CHD6: variants seen among roughly 807,000 people sequenced by gnomAD.
The protein encoded by CHD6 is chromodomain helicase DNA binding protein 6.
A neutral mutation model predicts 276.9 loss-of-function variants in CHD6; 50 were observed. The observed-to-expected ratio is 0.18, with a 90% CI of 0.14 to 0.23. The LOEUF is 0.23. Ranked by LOEUF, CHD6 falls within the 10% of genes least tolerant of loss-of-function variation. CHD6 has a pLI of 1.00. For missense variants in CHD6, 2,564 were observed against 3,365.8 expected (o/e 0.76, Z 5.89); for synonymous variants, 1,173 against 1,229.3 (o/e 0.95, Z 0.96).
intron 33 of CHD6, among the ~76,000 whole-genome samples, chr20:41,416,336 TAGCCA>T (rs1369662237): frequency 1.3e-5 from 2 of 152,166 alleles, no homozygotes; most frequent in Non-Finnish European, 2.9e-5. Context: ...TTGGCCCCCC[TAGCCA>T]AGCTGTATTC....
chr20:41,415,426 G>A lies in CHD6; in HGVS notation c.6699C>T (p.Phe2233=). ...SEGSPGATSP[F]PVSASTPKIG... is the part of the protein sequence containing the mutation. ...TCTTAGGGGTGCTGGCGCTCACTGG[G>A]AAAGGGGATGTGGCTCCTGGGGACC... Residue 2233 remains phenylalanine, a synonymous_variant, in exon 34 of 37, where the codon TTC becomes TTT. Coordinates refer to ENST00000373233, the MANE Select transcript of CHD6 (RefSeq NM_032221.5). 1 of 1,612,662 alleles carries A rather than the reference G, an allele frequency of 6.2e-7. No individual in the cohort carries two copies. The highest frequency in any genetic ancestry group is 8.5e-7 in the Non-Finnish European group (1 of 1,179,226).
chr20:41,606,693 A>T (rs1394481828), intron 1 of CHD6, among the ~76,000 whole-genome samples: 1 of 144,914 alleles, frequency 6.9e-6, no homozygotes. Context: ...AAAAAAACTT[A>T]TCTCCTAGTC....
At chr20:41,606,778 G>A (rs915980403) in intron 1 of CHD6, among the ~76,000 whole-genome samples, 8 of 151,808 alleles carry the variant, frequency 5.3e-5, no homozygotes, top group African/African-American at 1.7e-4. Flanking sequence ...ACTCAGATAC[G>A]CACTGGAATC....
intron 1 of CHD6, among the ~76,000 whole-genome samples, chr20:41,582,375 A>G (rs1418363074): frequency 6.6e-6 from 1 of 152,194 alleles, no homozygotes; most frequent in African/African-American, 2.4e-5. Context: ...GGGTATTATA[A>G]AAGGAAACAA....
In CHD6 at chr20:41,460,736, G is replaced by C. The variant is rs367778893; in HGVS notation, c.2665-3308C>G. Among the ~76,000 whole-genome samples the C allele has an allele frequency of 3.6e-4, 55 of 152,354 alleles. 1 individual carries two copies. The highest frequency in any genetic ancestry group is 1.3e-3 in the African/African-American group (52 of 41,584). Reference sequence around the variant, plus strand: ...GCTGCAGAGGTGGGGTCCTCATGGAGAACCTCTGCTAGAGCAGTGCGGAAG... The same window carrying C: ...GCTGCAGAGGTGGGGTCCTCATGGACAACCTCTGCTAGAGCAGTGCGGAAG... On this transcript the variant is annotated intron_variant, in intron 17 of 36. Coordinates refer to ENST00000373233, the MANE Select transcript of CHD6 (RefSeq NM_032221.5).
intron 27 of CHD6, among the ~76,000 whole-genome samples, chr20:41,426,713 A>C (rs1488336802): frequency 6.6e-6 from 1 of 152,226 alleles, no homozygotes; most frequent in African/African-American, 2.4e-5. Flanking sequence ...TTGAGCTCTA[A>C]GTGAATCTGG....
intron 2 of CHD6, among the ~76,000 whole-genome samples, 161 bp downstream of exon 2, chr20:41,551,141 CATA>C (rs2146145620): frequency 6.6e-6 from 1 of 152,114 alleles, no homozygotes. Flanking sequence ...AAGAAAAATC[CATA>C]TTATTAAGTC....
chr20:41,482,625 T>C (rs2043321344), intron 16 of CHD6: 1 of 452,896 alleles, frequency 2.2e-6, no homozygotes, highest in South Asian at 1.6e-5. Flanking sequence ...TTTTAAAAAC[T>C]CATTTGTCAT....
In CHD6 at chr20:41,403,531, G is replaced by T. The variant is rs1048240793; in HGVS notation, c.*1062C>A. ...ACAGAATGGAGAAATTAATGGAGAA[G>T]TAACTTTTCATAGCTGTATTATAAA... On this transcript the variant is annotated 3_prime_UTR_variant, in exon 37 of 37. Coordinates refer to ENST00000373233, the MANE Select transcript of CHD6 (RefSeq NM_032221.5). 1.1e-5 allele frequency: 12 copies of T among 1,062,888 alleles called. No homozygotes were observed. Among genetic ancestry groups the T allele is most frequent in the African/African-American group, 6.6e-5 (4 of 60,950 alleles). 65.8% of individuals were successfully genotyped at this position (1,062,888 alleles called of 1,614,324 possible). A position where few individuals can be genotyped will look rare whatever the true frequency, so the allele number is the denominator to read the frequency against.
chr20:41,497,908 C>T (rs1377646653), intron 7 of CHD6: 6 of 471,062 alleles, frequency 1.3e-5, no homozygotes, highest in South Asian at 8.4e-5. Context: ...AAAAACACAA[C>T]AATCCTTGGG....
intron 1 of CHD6, among the ~76,000 whole-genome samples, chr20:41,564,369 C>T (rs985475229): frequency 6.6e-6 from 1 of 152,156 alleles, no homozygotes; most frequent in Non-Finnish European, 1.5e-5. Context: ...ACTACTTATA[C>T]ACACAACATG....
At chr20:41,428,798 T>G (rs1462108621) in intron 27 of CHD6, among the ~76,000 whole-genome samples, 1 of 152,198 alleles carries the variant, frequency 6.6e-6, no homozygotes, top group Non-Finnish European at 1.5e-5. Flanking sequence ...CCCCTGGCTG[T>G]ATGGCTTTTT....
intron 1 of CHD6, among the ~76,000 whole-genome samples, chr20:41,615,996 C>G (rs928113038): frequency 3.3e-5 from 5 of 152,216 alleles, no homozygotes; most frequent in African/African-American, 1.2e-4. Flanking sequence ...ACAGCAAAAT[C>G]ACAAATAAGA....
At chr20:41,577,223 G>C (rs1277672679) in intron 1 of CHD6, among the ~76,000 whole-genome samples, 1 of 152,202 alleles carries the variant, frequency 6.6e-6, no homozygotes, top group Non-Finnish European at 1.5e-5. Flanking sequence ...TATTTATCAT[G>C]ATTTGGAGAA....
Position 41,613,914 on chromosome 20 carries a change from T to C in CHD6, c.-24+4426A>G, listed in dbSNP as rs528087778. ...TCCACGAACTGCAGGATAAAAAGCT[T>C]AAACCTTTAGGTAGGAAGTAAAGAT... On this transcript the variant is annotated intron_variant, in intron 1 of 36. Coordinates refer to ENST00000373233, the MANE Select transcript of CHD6 (RefSeq NM_032221.5). Among the ~76,000 whole-genome samples, 9 of 152,140 alleles carry C rather than the reference T, an allele frequency of 5.9e-5. No individual in the cohort carries two copies. In the East Asian group the frequency reaches 1.5e-3, roughly 26 times the overall value.
At chr20:41,567,149 T>C (rs2146199670) in intron 1 of CHD6, among the ~76,000 whole-genome samples, 1 of 152,256 alleles carries the variant, frequency 6.6e-6, no homozygotes, top group South Asian at 2.1e-4. Context: ...TAAGACTCTG[T>C]TGTTAATTGA....
chr20:41,483,193 CT>C (rs2043334144), intron 16 of CHD6, 115 bp downstream of exon 16: 2 of 884,116 alleles, frequency 2.3e-6, no homozygotes, highest in South Asian at 3.9e-5. Flanking sequence ...AAGGAGATTC[CT>C]TTCCTCCGTT....
chr20:41,468,301 C>T (rs1244740466), intron 17 of CHD6, among the ~76,000 whole-genome samples: 6 of 151,922 alleles, frequency 3.9e-5, no homozygotes, highest in Admixed American at 1.3e-4. Context: ...GTAGAGACAG[C>T]ATTTCACGAT....
rs1270468541 is a variant in CHD6, at chr20:41,416,742, C to T, written c.6332G>A (p.Gly2111Glu). 6 of 1,610,946 alleles carry T rather than the reference C, an allele frequency of 3.7e-6. No homozygotes were observed. Among genetic ancestry groups the T allele is most frequent in the South Asian group, 2.2e-5 (2 of 90,776 alleles). The change falls in exon 33 of 37, where the codon GGG (glycine) becomes GAG (glutamate). Residue 2111 changes from glycine to glutamate, a missense_variant. By Grantham distance (98) the Gly-to-Glu change is moderately conservative. Around this residue, in one of 7 missense-constraint regions of CHD6, gnomAD observed 1,024 missense variants for 1,047.9 expected, o/e 0.98. Transcript: ENST00000373233. ...ATACTGCTGGCTAGAGGGCCACTTC[C>T]CCTTTAACACCACGTGGCAGATATT... Reference protein sequence around the residue: ...LDNICHVVLKGKWPSSQQYEP... With the variant: ...LDNICHVVLKEKWPSSQQYEP...
Sources: gnomAD v4.1 joint callset for allele counts (sites outside exome capture counted in the v4.1 genomes callset) on GRCh38, gnomAD v4.1.1 for gene constraint, gnomAD v4.1.1 regional missense constraint, MANE v1.5 for transcripts, NCBI Gene and HGNC (gene_info 2026-07-23, HGNC 2026-07-21) for gene names.